Variants in MSI2 observed in about 807,000 individuals in gnomAD.
MSI2 encodes the protein musashi RNA binding protein 2.
A neutral mutation model predicts 45.6 loss-of-function variants in MSI2; 17 were observed. That is an observed-to-expected ratio of 0.37 (90% CI 0.26 to 0.56). The LOEUF (loss-of-function observed/expected upper bound fraction) is 0.56. MSI2 is among the 20% of genes least tolerant of loss of function. The pLI, the probability that MSI2 is intolerant of heterozygous loss-of-function variation, is 0.77. For synonymous variants in MSI2, 156 were observed against 158.2 expected (o/e 0.99, Z 0.11); for missense variants, 293 against 444.2 (o/e 0.66, Z 3.06).
chr17:57,426,243 G>T (rs529797966), intron 6 of MSI2, among the ~76,000 whole-genome samples: 1 of 152,134 alleles, frequency 6.6e-6, no homozygotes, highest in Non-Finnish European at 1.5e-5. Flanking sequence ...GCTGCATACC[G>T]GTTTTGTCCT....
rs2084106766 is a variant in MSI2 at position 57,407,526 on chromosome 17, G to A, written c.405+6055G>A. On this transcript the variant is annotated intron_variant, in intron 6 of 13. Transcript: ENST00000284073. This position sits in a 1 kb window ranked among gnomAD's most constrained non-coding sequence, Gnocchi z 4.1. Reference sequence around the variant, plus strand: ...GTGCAGTGTGGTTCTCTCAGAGGAGGCTTGGAAAACAAAAGTCTTGTGTGT... The same window carrying A: ...GTGCAGTGTGGTTCTCTCAGAGGAGACTTGGAAAACAAAAGTCTTGTGTGT... 6.6e-6 allele frequency among the ~76,000 whole-genome samples: 1 copy of A among 152,170 alleles called. No individual in the cohort carries two copies. The highest frequency in any genetic ancestry group is 1.5e-5 in the Non-Finnish European group (1 of 68,024).
chr17:57,540,958 C>T (rs1427269512), intron 7 of MSI2, among the ~76,000 whole-genome samples: 1 of 152,134 alleles, frequency 6.6e-6, no homozygotes, highest in Non-Finnish European at 1.5e-5. Flanking sequence ...GGTGGTCAGA[C>T]TTATCCTTCT....
chr17:57,506,486 T>C (rs187060024), intron 6 of MSI2, among the ~76,000 whole-genome samples: 10 of 152,348 alleles, frequency 6.6e-5, no homozygotes, highest in Admixed American at 3.3e-4. Context: ...CGCTTCTTTC[T>C]CTGGCTGTGG....
At chr17:57,492,219 G>A (rs1032968059) in intron 6 of MSI2, among the ~76,000 whole-genome samples, 3 of 152,164 alleles carry the variant, frequency 2.0e-5, no homozygotes, top group Admixed American at 6.5e-5. Flanking sequence ...CATGAAAAAC[G>A]GGGGAAGGAT....
chr17:57,490,558 C>A (rs1437650993), intron 6 of MSI2, among the ~76,000 whole-genome samples: 1 of 152,172 alleles, frequency 6.6e-6, no homozygotes, highest in Non-Finnish European at 1.5e-5. Flanking sequence ...TATAAGAGGT[C>A]ATGTAAAGCA....
At chr17:57,293,601 T>TG (rs1567740184) in intron 5 of MSI2, among the ~76,000 whole-genome samples, 1 of 147,236 alleles carries the variant, frequency 6.8e-6, no homozygotes, top group African/African-American at 2.6e-5. Context: ...TTTTGTTTTT[T>TG]TTTTTGTTTT....
At chr17:57,486,498 C>G (rs1264985653) in intron 6 of MSI2, among the ~76,000 whole-genome samples, 2 of 152,224 alleles carry the variant, frequency 1.3e-5, no homozygotes, top group South Asian at 2.1e-4. Flanking sequence ...TATAACCTCT[C>G]TCTTGCAGAG....
intron 6 of MSI2, among the ~76,000 whole-genome samples, chr17:57,440,274 A>G (rs1002599137): frequency 3.3e-5 from 5 of 152,160 alleles, no homozygotes; most frequent in African/African-American, 1.2e-4. Context: ...GGGCACAGGA[A>G]GCCGTGCCCC....
At chr17:57,466,363 C>T (rs886873089) in intron 6 of MSI2, among the ~76,000 whole-genome samples, 5 of 152,210 alleles carry the variant, frequency 3.3e-5, no homozygotes, top group Non-Finnish European at 7.3e-5. Flanking sequence ...AATAGCTGCT[C>T]AGCAGCCGGT....
At chr17:57,316,130 T>C (rs768091234) in intron 5 of MSI2, among the ~76,000 whole-genome samples, 33 of 151,752 alleles carry the variant, frequency 2.2e-4, no homozygotes, top group Non-Finnish European at 4.1e-4. Context: ...CCAGGTGCCC[T>C]CTTGTACTGT....
At chr17:57,548,898 T>TCCCCCCCCCCCCCCCCCC (rs758120237) in intron 7 of MSI2, among the ~76,000 whole-genome samples, 100 of 121,160 alleles carry the variant, frequency 8.3e-4, no homozygotes, top group South Asian at 1.1e-3. Context: ...TGTTTACCCT[T>TCCCCCCCCCCCCCCCCCC]CCCCCCCCCA....
intron 6 of MSI2, among the ~76,000 whole-genome samples, chr17:57,427,982 A>G (rs1489040990): frequency 6.6e-6 from 1 of 152,182 alleles, no homozygotes; most frequent in Non-Finnish European, 1.5e-5. Flanking sequence ...CTATATAGAC[A>G]TATAAAAGAT....
chr17:57,512,964 CTTCCTTTTT>C (rs1157876315), intron 6 of MSI2, among the ~76,000 whole-genome samples: 1 of 44,266 alleles, frequency 2.3e-5, no homozygotes, highest in Non-Finnish European at 4.5e-5. Context: ...GAATTAGCTT[CTTCCTTTTT>C]TTTTTTTTTT....
chr17:57,288,925 TC>T (rs1442340108), intron 5 of MSI2, among the ~76,000 whole-genome samples: 10 of 152,114 alleles, frequency 6.6e-5, no homozygotes, highest in African/African-American at 2.4e-4. Flanking sequence ...CCAGTAGCAA[TC>T]CCTCCCTGGT....
At chr17:57,637,568 C>G (rs1249035280) in intron 10 of MSI2, among the ~76,000 whole-genome samples, 1 of 152,240 alleles carries the variant, frequency 6.6e-6, no homozygotes, top group Non-Finnish European at 1.5e-5. Flanking sequence ...TGGCAAAGCC[C>G]AGAGCCCCGT....
chr17:57,481,917 C>G lies in MSI2; in HGVS notation c.406-47759C>G, dbSNP rs188476267. Reference sequence around the variant, plus strand: ...GATAATAGAACTATAAATTGCAAGACAGCTTCTTATGAAATCAGTAAATTA... The same window carrying G: ...GATAATAGAACTATAAATTGCAAGAGAGCTTCTTATGAAATCAGTAAATTA... On this transcript the variant is annotated intron_variant, in intron 6 of 13. Coordinates refer to ENST00000284073, the MANE Select transcript of MSI2 (RefSeq NM_138962.4). 1.5e-3 allele frequency among the ~76,000 whole-genome samples: 232 copies of G among 152,352 alleles called. 1 individual carries two copies. Among genetic ancestry groups the G allele is most frequent in the African/African-American group, 5.0e-3 (206 of 41,584 alleles).
At chr17:57,401,893 C>T (rs946588500) in intron 6 of MSI2, among the ~76,000 whole-genome samples, 1 of 152,106 alleles carries the variant, frequency 6.6e-6, no homozygotes, top group Non-Finnish European at 1.5e-5. Context: ...GCTGAGTCTC[C>T]CTGGGGCCCT....
intron 6 of MSI2, among the ~76,000 whole-genome samples, chr17:57,405,744 G>A (rs2084070647): frequency 6.6e-6 from 1 of 152,196 alleles, no homozygotes; most frequent in Non-Finnish European, 1.5e-5. Context: ...TGTAATTAAT[G>A]ACACTCGGAA....
intron 11 of MSI2, among the ~76,000 whole-genome samples, chr17:57,673,986 C>T (rs1913019964): frequency 6.6e-6 from 1 of 151,342 alleles, no homozygotes; most frequent in African/African-American, 2.4e-5. Flanking sequence ...AGTTTAAATC[C>T]CCCCTTTCCT....
Sources: allele counts gnomAD v4.1 joint callset (sites outside exome capture counted in the v4.1 genomes callset), GRCh38; gene constraint gnomAD v4.1.1; non-coding constraint Gnocchi (gnomAD v3.1); transcripts MANE v1.5; gene names NCBI Gene and HGNC (gene_info 2026-07-23, HGNC 2026-07-21).